The following ADAMTSL1 variants were observed in gnomAD, a reference collection of about 807,000 sequenced individuals.
ADAMTSL1 encodes the protein ADAMTS like 1.
ADAMTSL1 carries 126 observed loss-of-function variants against 201.8 expected under a neutral mutation model. The ratio of observed to expected loss-of-function variants is 0.62; its 90% CI spans 0.54 to 0.72. The LOEUF (loss-of-function observed/expected upper bound fraction) is 0.72, where lower values mean the gene tolerates loss of function less well. Among genes scored for constraint, ADAMTSL1 ranks in the 30% least tolerant of loss-of-function variants. ADAMTSL1 has a pLI of 0.00. For missense variants in ADAMTSL1, 2,679 were observed against 2,277.8 expected, an observed-to-expected ratio of 1.18 and a Z score of -3.59; for synonymous variants, 1,121 against 903.4, an observed-to-expected ratio of 1.24 and a Z score of -4.32.
At chr9:18,872,889 T>G (rs1341617316) in intron 23 of ADAMTSL1, among the ~76,000 whole-genome samples, 1 of 152,208 alleles carries the variant, frequency 6.6e-6, no homozygotes, top group East Asian at 1.9e-4. Context: ...ATGGTAGATC[T>G]ATTTTCAGTT....
upstream of ADAMTSL1, among the ~76,000 whole-genome samples, chr9:18,470,412 C>T (rs1277950913): frequency 2.0e-5 from 3 of 152,174 alleles, no homozygotes; most frequent in Non-Finnish European, 2.9e-5. Context: ...TTATCTTAGT[C>T]GCCCTTACTT....
rs1011258046 is a variant in ADAMTSL1 at position 18,413,361 on chromosome 9, C to T, written c.208-91468C>T. Among the ~76,000 whole-genome samples, 4 of 152,022 alleles carry T rather than the reference C, an allele frequency of 2.6e-5. No individual in the cohort carries two copies. The East Asian group carries it at 7.7e-4, about 29-fold the overall frequency. ...TGTATTTTTAGTAGAGATGGGGTTT[C>T]ACCATGTTGGCCAGGCTGGTCTCAA... On this transcript the variant is annotated intron_variant, in intron 2 of 29. Coordinates refer to the ADAMTSL1 transcript ENST00000680146.
chr9:18,373,463 C>G (rs189190398), intron 2 of ADAMTSL1, among the ~76,000 whole-genome samples: 130 of 152,210 alleles, frequency 8.5e-4, no homozygotes, highest in African/African-American at 3.1e-3. Context: ...TCTTTTCTCC[C>G]TTTTTTTCTT....
intron 2 of ADAMTSL1, among the ~76,000 whole-genome samples, chr9:18,203,955 G>A (rs1466754720): frequency 6.6e-6 from 1 of 152,152 alleles, no homozygotes; most frequent in Non-Finnish European, 1.5e-5. Context: ...AGAAACACAG[G>A]TAATTTACTG....
At chr9:18,692,002 C>T (rs1386910015) in intron 13 of ADAMTSL1, among the ~76,000 whole-genome samples, 1 of 152,144 alleles carries the variant, frequency 6.6e-6, no homozygotes, top group Non-Finnish European at 1.5e-5. Flanking sequence ...GTATCTGCCT[C>T]ATACATCTTG....
intron 2 of ADAMTSL1, among the ~76,000 whole-genome samples, chr9:18,391,121 C>T (rs753444675): frequency 1.3e-5 from 2 of 152,152 alleles, no homozygotes; most frequent in Non-Finnish European, 2.9e-5. Context: ...AAAGCCATGC[C>T]TTGTGCCTGG....
At chr9:18,633,187 T>C (rs1246205742) in intron 5 of ADAMTSL1, among the ~76,000 whole-genome samples, 4 of 152,220 alleles carry the variant, frequency 2.6e-5, no homozygotes, top group Non-Finnish European at 5.9e-5. Flanking sequence ...ATTTGAACTG[T>C]GGGTAAACAA....
At chr9:17,914,943 C>T (rs1157184716) in intron 1 of ADAMTSL1, among the ~76,000 whole-genome samples, 3 of 151,964 alleles carry the variant, frequency 2.0e-5, no homozygotes, top group Non-Finnish European at 4.4e-5. Flanking sequence ...TTTTTGTTAT[C>T]CTCCTGTATG....
intron 9 of ADAMTSL1, among the ~76,000 whole-genome samples, chr9:18,670,220 T>G (rs1416983458): frequency 6.6e-6 from 1 of 152,152 alleles, no homozygotes; most frequent in Non-Finnish European, 1.5e-5. Flanking sequence ...AAGGCAAAAA[T>G]GAATCAACTA....
intron 5 of ADAMTSL1, among the ~76,000 whole-genome samples, chr9:18,634,474 G>C (rs1436358831): frequency 6.6e-6 from 1 of 151,828 alleles, no homozygotes; most frequent in Admixed American, 6.6e-5. Flanking sequence ...GAAGTAGGAG[G>C]ATCTCTTGAG....
At chr9:18,031,024 T>G (rs1820929538) in intron 1 of ADAMTSL1, among the ~76,000 whole-genome samples, 1 of 152,172 alleles carries the variant, frequency 6.6e-6, no homozygotes, top group African/African-American at 2.4e-5. Flanking sequence ...CCACTTTGGT[T>G]TTTTCTTAAA....
At chr9:18,399,621 G>A (rs1033433586) in intron 2 of ADAMTSL1, among the ~76,000 whole-genome samples, 3 of 151,816 alleles carry the variant, frequency 2.0e-5, no homozygotes, top group Non-Finnish European at 4.4e-5. Flanking sequence ...AAAGTGCTGG[G>A]ATTACAGGCA....
chr9:18,314,323 T>C (rs1398023837), intron 2 of ADAMTSL1, among the ~76,000 whole-genome samples: 2 of 152,124 alleles, frequency 1.3e-5, no homozygotes, highest in Non-Finnish European at 2.9e-5. Context: ...CCGGAATTGG[T>C]GGGTTCTTGG....
chr9:18,146,557 G>A (rs1826653267), intron 1 of ADAMTSL1, among the ~76,000 whole-genome samples: 3 of 152,148 alleles, frequency 2.0e-5, no homozygotes, highest in African/African-American at 7.2e-5. Context: ...TTTTGAGGGA[G>A]GGAACAGGGT....
intron 2 of ADAMTSL1, among the ~76,000 whole-genome samples, chr9:18,328,206 C>G (rs535435907): frequency 6.6e-6 from 1 of 152,188 alleles, no homozygotes; most frequent in East Asian, 1.9e-4. Context: ...CAATTTGTTA[C>G]TTTTCACTGC....
In ADAMTSL1 at chr9:17,967,603, A is replaced by G. The variant is rs889702251; in HGVS notation, c.87+60681A>G. Reference sequence around the variant, plus strand: ...TAGGAAGATTAAATATTTCCAATATAGATCATACAGCCATAGTTAGTCTTT... The same window carrying G: ...TAGGAAGATTAAATATTTCCAATATGGATCATACAGCCATAGTTAGTCTTT... On this transcript the variant is annotated intron_variant, in intron 1 of 29. Transcript: ENST00000680146. Among the ~76,000 whole-genome samples the G allele has an allele frequency of 7.7e-4, 117 of 152,148 alleles. 2 individuals are homozygous for G. The highest frequency in any genetic ancestry group is 7.4e-5 in the Non-Finnish European group (5 of 68,010).
chr9:18,149,760 A>G (rs1563768991), intron 1 of ADAMTSL1, among the ~76,000 whole-genome samples: 1 of 152,110 alleles, frequency 6.6e-6, no homozygotes, highest in Non-Finnish European at 1.5e-5. Flanking sequence ...AAAGGATAAG[A>G]TTAGAAACAG....
At position 18,248,142 on chromosome 9, in the gene ADAMTSL1, G is replaced by GA. The variant is rs559194807; in HGVS notation, c.207+84163dup. Among the ~76,000 whole-genome samples, 214 of 152,200 alleles carry GA rather than the reference G, an allele frequency of 1.4e-3. 1 individual carries two copies. The highest frequency in any genetic ancestry group is 5.0e-3 in the African/African-American group (207 of 41,508). On this transcript the variant is annotated intron_variant, in intron 2 of 29. Coordinates refer to the ADAMTSL1 transcript ENST00000680146. ...TGTAAAATTTAAGGGATGCAGCTTTGAACATTGCTAGATGCCATAATTTCA... is the reference window on the plus strand; with the variant it reads ...TGTAAAATTTAAGGGATGCAGCTTTGAAACATTGCTAGATGCCATAATTTCA...
intron 23 of ADAMTSL1, among the ~76,000 whole-genome samples, chr9:18,872,194 T>G: frequency 6.6e-6 from 1 of 152,106 alleles, no homozygotes; most frequent in Admixed American, 6.6e-5. Flanking sequence ...TAATAGGACT[T>G]GGTTAAACAA....
Sources: gnomAD v4.1 joint callset for allele counts (sites outside exome capture counted in the v4.1 genomes callset) on GRCh38, gnomAD v4.1.1 for gene constraint, MANE v1.5 for transcripts, NCBI Gene and HGNC (gene_info 2026-07-23, HGNC 2026-07-21) for gene names.